The following MAP2K5 variants were observed in gnomAD, a reference collection of about 807,000 sequenced individuals.
MAP2K5 encodes dual specificity mitogen-activated protein kinase kinase 5.
A neutral mutation model predicts 83.1 loss-of-function variants in MAP2K5; 49 were observed. The ratio of observed to expected loss-of-function variants is 0.59; its 90% confidence interval spans 0.47 to 0.75. The LOEUF is 0.75. MAP2K5 is among the 30% of genes least tolerant of loss of function. MAP2K5 has a pLI of 0.00. For missense variants in MAP2K5, 457 were observed against 557.5 expected (o/e 0.82, Z 1.82); for synonymous variants, 202 against 191.8 (o/e 1.05, Z -0.44).
chr15:67,567,363 T>G (rs1042114328), intron 3 of MAP2K5, among the ~76,000 whole-genome samples: 10 of 150,214 alleles, frequency 6.7e-5, no homozygotes, highest in African/African-American at 1.7e-4. Flanking sequence ...AAGTTTTTTT[T>G]TTTTTTTTTT....
At chr15:67,715,086 T>G (rs1335583294) in intron 16 of MAP2K5, among the ~76,000 whole-genome samples, 1 of 152,158 alleles carries the variant, frequency 6.6e-6, no homozygotes, top group African/African-American at 2.4e-5. Flanking sequence ...AGGATGTAAT[T>G]CTGGAATCCT....
intron 16 of MAP2K5, among the ~76,000 whole-genome samples, chr15:67,706,996 A>T (rs1040588564): frequency 2.0e-5 from 3 of 152,054 alleles, no homozygotes; most frequent in African/African-American, 7.2e-5. Flanking sequence ...GCTCACTGCA[A>T]CCTCCGCCTC....
intron 11 of MAP2K5, among the ~76,000 whole-genome samples, chr15:67,650,986 A>G (rs1407640522): frequency 1.3e-5 from 2 of 152,192 alleles, no homozygotes; most frequent in Admixed American, 1.3e-4. Context: ...AGGCCAAGGC[A>G]GGTGGATCAC....
chr15:67,806,538 G>C (rs2090812021), intron 21 of MAP2K5, 108 bp from the exon 22 acceptor site: 4 of 950,794 alleles, frequency 4.2e-6, no homozygotes, highest in Non-Finnish European at 6.2e-6. Flanking sequence ...TACCTCACAG[G>C]GTTACTGGGG....
intron 8 of MAP2K5, 57 bp from the exon 9 acceptor site, chr15:67,630,831 C>A: frequency 7.8e-7 from 1 of 1,288,204 alleles, no homozygotes; most frequent in Non-Finnish European, 1.1e-6. Context: ...ATGTCCTTAA[C>A]CATTTTGTAG....
At chr15:67,731,148 T>C (rs1219109025) in intron 17 of MAP2K5, among the ~76,000 whole-genome samples, 4 of 152,162 alleles carry the variant, frequency 2.6e-5, no homozygotes, top group Non-Finnish European at 4.4e-5. Context: ...CCAGCCACAA[T>C]TGGAGCAGAG....
chr15:67,645,712 C>A (rs530084603), intron 9 of MAP2K5, among the ~76,000 whole-genome samples: 14 of 151,654 alleles, frequency 9.2e-5, no homozygotes, highest in Non-Finnish European at 1.5e-4. Flanking sequence ...ATACTACACA[C>A]AGGTAATTTT....
chr15:67,757,288 A>G lies in MAP2K5; in HGVS notation c.1134+8687A>G, dbSNP rs2089858603. Among the ~76,000 whole-genome samples the G allele has an allele frequency of 2.0e-5, 3 of 152,190 alleles. No homozygotes were observed. In the South Asian group the frequency reaches 6.2e-4, roughly 31 times the overall value. The stretch of plus-strand genomic sequence containing the variant: ...CATTGTGGTTTTTATTTGCATAAAA[A>G]TAGTATTTCTAGAAGACATTTGCAA... On this transcript the variant is annotated intron_variant, in intron 19 of 21. Transcript: ENST00000178640. The surrounding 1 kb of genome is among the most constrained non-coding windows in gnomAD (Gnocchi z 4.9).
In MAP2K5 at chr15:67,543,308, C is replaced by T. The variant is rs1196638625; in HGVS notation, c.-28C>T. ...CCAGCGGCCAGTGGGTTTCCCATAC[C>T]CCAGGATGTGAGCCTCTTTAACCTG... On this transcript the variant is annotated 5_prime_UTR_variant, in exon 1 of 22. Transcript: ENST00000178640. This position sits in a 1 kb window ranked among gnomAD's most constrained non-coding sequence, Gnocchi z 4.3. 1.2e-6 allele frequency: 2 copies of T among 1,613,916 alleles called. No homozygotes were observed. Among genetic ancestry groups the T allele is most frequent in the East Asian group, 2.2e-5 (1 of 44,878 alleles).
intron 2 of MAP2K5, among the ~76,000 whole-genome samples, chr15:67,556,283 CG>C (rs1343993776): frequency 1.3e-5 from 2 of 151,900 alleles, no homozygotes; most frequent in African/African-American, 4.8e-5. Flanking sequence ...TTCTTTTTTC[CG>C]TGGAGAAGTT....
chr15:67,558,126 A>G (rs2084664490), intron 2 of MAP2K5, among the ~76,000 whole-genome samples: 1 of 152,196 alleles, frequency 6.6e-6, no homozygotes, highest in Non-Finnish European at 1.5e-5. Flanking sequence ...TATGAAAATT[A>G]AGAAGTTTGA....
intron 2 of MAP2K5, among the ~76,000 whole-genome samples, chr15:67,556,394 C>T (rs2084625832): frequency 6.6e-6 from 1 of 152,040 alleles, no homozygotes; most frequent in Non-Finnish European, 1.5e-5. Flanking sequence ...ATTGAAGAAA[C>T]ATTCATTGAT....
chr15:67,669,300 G>C (rs1452472350), intron 13 of MAP2K5, among the ~76,000 whole-genome samples: 1 of 152,122 alleles, frequency 6.6e-6, no homozygotes, highest in Non-Finnish European at 1.5e-5. Context: ...TACGGAGTGT[G>C]TTAGAGGGTT....
At chr15:67,733,237 G>A (rs899755870) in intron 17 of MAP2K5, among the ~76,000 whole-genome samples, 7 of 152,200 alleles carry the variant, frequency 4.6e-5, no homozygotes, top group South Asian at 2.1e-4. Context: ...AACCGCCAGC[G>A]GAATTTTTTC....
intron 17 of MAP2K5, among the ~76,000 whole-genome samples, chr15:67,745,167 G>A (rs2089576858): frequency 6.6e-6 from 1 of 152,226 alleles, no homozygotes; most frequent in African/African-American, 2.4e-5. Flanking sequence ...GTTAGACATA[G>A]AAAACACTCA....
intron 11 of MAP2K5, among the ~76,000 whole-genome samples, chr15:67,654,437 T>G (rs1421416287): frequency 6.6e-6 from 1 of 152,216 alleles, no homozygotes; most frequent in African/African-American, 2.4e-5. Flanking sequence ...AAAATACCTT[T>G]GTTGTAGACA....
intron 17 of MAP2K5, among the ~76,000 whole-genome samples, chr15:67,739,857 TA>T (rs1443936833): frequency 2.6e-5 from 4 of 152,152 alleles, no homozygotes; most frequent in Non-Finnish European, 2.9e-5. Flanking sequence ...AAAATCTCAG[TA>T]GGCCACATCC....
At position 67,760,883 on chromosome 15, in the gene MAP2K5, G is replaced by C. The variant is rs573331464; in HGVS notation, c.1135-8719G>C. ...CCCTGAGCCCAAGTTGGATGCCAGG[G>C]TCAGTTACCCAGCAGCTTGGGCTGG... On this transcript the variant is annotated intron_variant, in intron 19 of 21. Coordinates refer to ENST00000178640, the MANE Select transcript of MAP2K5 (RefSeq NM_145160.3). This position sits in a 1 kb window ranked among gnomAD's most constrained non-coding sequence, Gnocchi z 4.1. Among the ~76,000 whole-genome samples, 1 of 152,134 alleles carries C rather than the reference G, an allele frequency of 6.6e-6. No homozygotes were observed. Among genetic ancestry groups the C allele is most frequent in the African/African-American group, 2.4e-5 (1 of 41,418 alleles).
intron 16 of MAP2K5, among the ~76,000 whole-genome samples, chr15:67,723,516 G>T (rs746031433): frequency 1.3e-5 from 2 of 152,052 alleles, no homozygotes; most frequent in African/African-American, 4.8e-5. Flanking sequence ...TAAACGTCCC[G>T]CAAGAGAGTC....
Sources: allele counts gnomAD v4.1 joint callset (sites outside exome capture counted in the v4.1 genomes callset), GRCh38; gene constraint gnomAD v4.1.1; non-coding constraint Gnocchi (gnomAD v3.1); transcripts MANE v1.5; gene names NCBI Gene and HGNC (gene_info 2026-07-23, HGNC 2026-07-21).